The following GSTA4 variants were observed in gnomAD, a reference collection of about 807,000 sequenced individuals.
GSTA4 encodes glutathione S-transferase A4.
In GSTA4, 15 loss-of-function variants were observed where a neutral mutation model predicts 24.4. The ratio of observed to expected loss-of-function variants is 0.61; its 90% CI spans 0.41 to 0.95. The LOEUF (loss-of-function observed/expected upper bound fraction) is 0.95, where lower values mean the gene tolerates loss of function less well. GSTA4 is among the 40% of genes least tolerant of loss of function. The pLI is 0.00. For synonymous variants in GSTA4, 92 were observed against 94.2 expected (o/e 0.98, Z 0.13); for missense variants, 244 against 262.1 (o/e 0.93, Z 0.48).
chr6:52,990,733 A>G (rs1370672617), intron 2 of GSTA4, among the ~76,000 whole-genome samples: 5 of 152,246 alleles, frequency 3.3e-5, no homozygotes, highest in African/African-American at 7.2e-5. Flanking sequence ...TATGAAATAA[A>G]TCAAGAATTA....
At chr6:52,992,610 C>A (rs1046567968) in intron 2 of GSTA4, among the ~76,000 whole-genome samples, 2 of 152,164 alleles carry the variant, frequency 1.3e-5, no homozygotes, top group African/African-American at 4.8e-5. Flanking sequence ...TTCCCCAAAC[C>A]CATAACCTCA....
At chr6:52,982,494 C>A in intron 6 of GSTA4, 80 bp downstream of exon 6, 1 of 1,018,148 alleles carries the variant, frequency 9.8e-7, no homozygotes, top group South Asian at 1.5e-5. Context: ...ACACACACTC[C>A]CCAAAGCCAA....
At chr6:52,994,458 A>T in intron 1 of GSTA4, 197 bp from the exon 2 acceptor site, 1 of 532,078 alleles carries the variant, frequency 1.9e-6, no homozygotes, top group Non-Finnish European at 3.3e-6. Flanking sequence ...TGGCTTTTAT[A>T]TGATTTCTAT....
chr6:52,981,574 G>T (rs316139), intron 6 of GSTA4, among the ~76,000 whole-genome samples: 78,499 of 152,058 alleles, frequency 0.52, 20,604 homozygotes, highest in East Asian at 0.74. Context: ...TATGTGTCAT[G>T]AAATATTATT....
intron 5 of GSTA4, among the ~76,000 whole-genome samples, chr6:52,983,548 G>A (rs1453977219): frequency 6.6e-6 from 1 of 152,168 alleles, no homozygotes; most frequent in Non-Finnish European, 1.5e-5. Context: ...TCCATTTTCT[G>A]GCCATGTTAC....
intron 2 of GSTA4, among the ~76,000 whole-genome samples, chr6:52,988,908 C>T (rs1003006839): frequency 4.6e-5 from 7 of 152,202 alleles, no homozygotes; most frequent in African/African-American, 1.7e-4. Context: ...CCATCTTGAA[C>T]AGGAGCTGGG....
intron 2 of GSTA4, among the ~76,000 whole-genome samples, chr6:52,993,437 A>G (rs1763702495): frequency 6.6e-6 from 1 of 152,246 alleles, no homozygotes; most frequent in Admixed American, 6.5e-5. Flanking sequence ...TGCCTGTTTG[A>G]GACAATCAGA....
chr6:52,985,621 TTC>T, intron 3 of GSTA4, 38 bp from the exon 4 acceptor site: 1 of 1,608,586 alleles, frequency 6.2e-7, no homozygotes, highest in Non-Finnish European at 8.5e-7. Flanking sequence ...TGATCTTTTC[TTC>T]TCTGTCCCCC....
At chr6:52,980,425 C>T (rs1468975829) in intron 6 of GSTA4, among the ~76,000 whole-genome samples, 4 of 152,052 alleles carry the variant, frequency 2.6e-5, no homozygotes, top group Non-Finnish European at 5.9e-5. Flanking sequence ...CTGCCTCAGC[C>T]TCCGAGTAGC....
At chr6:52,986,102 T>C (rs1206391426) in intron 3 of GSTA4, among the ~76,000 whole-genome samples, 1 of 152,162 alleles carries the variant, frequency 6.6e-6, no homozygotes, top group Non-Finnish European at 1.5e-5. Context: ...CTTTTCATTT[T>C]CACCCCAGGA....
intron 6 of GSTA4, 45 bp from the exon 7 acceptor site, chr6:52,978,637 T>C (rs1439508581): frequency 6.7e-7 from 1 of 1,482,246 alleles, no homozygotes; most frequent in Non-Finnish European, 9.2e-7. Context: ...AAAAAGGTAT[T>C]AGATACTACG....
chr6:52,984,428 G>C, intron 5 of GSTA4, 36 bp downstream of exon 5: 1 of 1,580,592 alleles, frequency 6.3e-7, no homozygotes, highest in Non-Finnish European at 8.6e-7. Context: ...TTTGTGGTTT[G>C]GTTGCTCTGT....
rs45612937 is a variant in GSTA4 at position 52,978,814 on chromosome 6, GA to G, written c.547-223del. On this transcript the variant is annotated intron_variant, in intron 6 of 6. Coordinates refer to ENST00000370963, the MANE Select transcript of GSTA4 (RefSeq NM_001512.4). ...TAACACTAAAGGTAGCTAATGAGCT[GA>G]AAAAAAAACCTCAAAATATCTCATA... Among the ~76,000 whole-genome samples, 1,403 of 150,036 alleles carry G rather than the reference GA, an allele frequency of 9.4e-3. 14 individuals are homozygous for G. Among genetic ancestry groups the G allele is most frequent in the African/African-American group, 0.033 (1,331 of 40,858 alleles).
intron 2 of GSTA4, among the ~76,000 whole-genome samples, chr6:52,992,408 C>A (rs556509232): frequency 6.6e-6 from 1 of 152,340 alleles, no homozygotes; most frequent in Non-Finnish European, 1.5e-5. Flanking sequence ...TAATTCTCAT[C>A]ATTTTGAATG....
rs751298685 is a variant in GSTA4, at chr6:52,984,469, C to T, written c.409G>A (p.Glu137Lys). 5.0e-6 allele frequency: 8 copies of T among 1,611,156 alleles called. No homozygotes were observed. The highest frequency in any genetic ancestry group is 5.1e-6 in the Non-Finnish European group (6 of 1,179,356). The change falls in exon 5 of 7, where the codon GAA (glutamate) becomes AAA (lysine). Residue 137 changes from glutamate (E) to lysine (K), a missense_variant. Coordinates refer to ENST00000370963, the MANE Select transcript of GSTA4 (RefSeq NM_001512.4). The stretch of plus-strand genomic sequence containing the variant: ...TAGGCATCTCTGCCACCTACCTTTT[C>T]AAACACAGGAAAGTATCTAATTATA... ...KAIIRYFPVF[E>K]KILRGHGQSF...
chr6:52,984,276 A>C (rs1056353470), intron 5 of GSTA4, among the ~76,000 whole-genome samples, 188 bp downstream of exon 5: 2 of 152,260 alleles, frequency 1.3e-5, no homozygotes, highest in Non-Finnish European at 2.9e-5. Context: ...GTCCTAGCAG[A>C]GTCCAAGGGG....
intron 3 of GSTA4, 71 bp from the exon 4 acceptor site, chr6:52,985,654 T>C (rs1048173400): frequency 1.3e-5 from 20 of 1,501,966 alleles, no homozygotes; most frequent in Non-Finnish European, 1.8e-5. Context: ...AAATGCTCTG[T>C]GGAATGAAAA....
In GSTA4 at chr6:52,978,477, C is replaced by A; in HGVS notation, c.662G>T (p.Arg221Met). 6.2e-7 allele frequency: 1 copy of A among 1,613,486 alleles called. No individual in the cohort carries two copies. The highest frequency in any genetic ancestry group is 8.5e-7 in the Non-Finnish European group (1 of 1,179,730). Reference protein sequence around the residue: ...IYVRTVYNIFRP With the variant: ...IYVRTVYNIFMP ...ACACATGGATGTGTTGTTTTATGGC[C>A]TAAAGATGTTGTAGACGGTTCTCAC... Residue 221 changes from arginine to methionine, a missense_variant, in exon 7 of 7, where the codon AGG (arginine) becomes ATG (methionine). Arg to Met is a moderately conservative substitution (Grantham distance 91). Coordinates refer to ENST00000370963, the MANE Select transcript of GSTA4 (RefSeq NM_001512.4).
chr6:52,988,036 T>C (rs1763595538), intron 2 of GSTA4: 1 of 152,212 alleles, frequency 6.6e-6, no homozygotes, highest in Non-Finnish European at 1.5e-5. Flanking sequence ...AAGAGCAGAC[T>C]TAGCATCCAC....
Sources: allele counts gnomAD v4.1 joint callset (sites outside exome capture counted in the v4.1 genomes callset), GRCh38; gene constraint gnomAD v4.1.1; transcripts MANE v1.5; gene names NCBI Gene and HGNC (gene_info 2026-07-23, HGNC 2026-07-21).